The following NIN variants were observed in gnomAD, a reference collection of about 807,000 sequenced individuals.
NIN encodes the protein glycogen synthase kinase 3 beta-interacting protein.
NIN carries 137 observed loss-of-function variants against 257.6 expected under a neutral mutation model. That is an observed-to-expected ratio of 0.53 (90% confidence interval 0.46 to 0.61). NIN has a LOEUF of 0.61. NIN is among the 20% of genes least tolerant of loss of function. The pLI, the probability that NIN is intolerant of heterozygous loss-of-function variation, is 0.00. For missense variants in NIN, 2,439 were observed against 2,501.2 expected, an observed-to-expected ratio of 0.98 and a Z score of 0.53; for synonymous variants, 918 against 919.8, an observed-to-expected ratio of 1.00 and a Z score of 0.04.
chr14:50,750,124 T>TC (rs1566801698), intron 21 of NIN, among the ~76,000 whole-genome samples: 1 of 152,072 alleles, frequency 6.6e-6, no homozygotes, highest in African/African-American at 2.4e-5. Context: ...CCTTTTTTTT[T>TC]AAAACATCTT....
intron 28 of NIN, among the ~76,000 whole-genome samples, chr14:50,731,626 G>C (rs1037266377): frequency 6.6e-6 from 1 of 151,986 alleles, no homozygotes; most frequent in African/African-American, 2.4e-5. Context: ...ACGAGGTCAG[G>C]AGATCAAGAC....
chr14:50,729,458 G>T lies in NIN; in HGVS notation c.6078+65C>A, dbSNP rs1330713542. The T allele has an allele frequency of 1.2e-5, 18 of 1,464,084 alleles. No homozygotes were observed. In the East Asian group the frequency reaches 3.9e-4, roughly 32 times the overall value. 90.7% of individuals were successfully genotyped at this position (1,464,084 alleles called of 1,614,324 possible). A position where few individuals can be genotyped will look rare whatever the true frequency, so the allele number is the denominator to read the frequency against. ...GTTCTTTCTCTCCACCTTTGAACTG[G>T]TATAACTTTCAAATAAACAGGTAAA... On this transcript the variant is annotated intron_variant, in intron 29 of 30. Coordinates refer to ENST00000530997, the MANE Select transcript of NIN (RefSeq NM_020921.4).
intron 4 of NIN, among the ~76,000 whole-genome samples, chr14:50,805,067 G>T (rs867795139): frequency 6.6e-6 from 1 of 152,180 alleles, no homozygotes; most frequent in Non-Finnish European, 1.5e-5. Context: ...TGAAGAAATG[G>T]CAGCAGGAGG....
chr14:50,782,518 C>A (rs10143068), intron 5 of NIN, among the ~76,000 whole-genome samples: 123,678 of 152,092 alleles, frequency 0.81, 53,662 homozygotes, highest in East Asian at 1. Flanking sequence ...TGCTATCTAT[C>A]CTATGATTAC....
intron 17 of NIN, among the ~76,000 whole-genome samples, chr14:50,759,006 C>T (rs10483610): frequency 0.28 from 42,218 of 152,114 alleles, 6,776 homozygotes; most frequent in East Asian, 0.51. Context: ...TTTAATTAAG[C>T]ATGCGTTATA....
intron 27 of NIN, 83 bp downstream of exon 27, chr14:50,738,057 A>G: frequency 7.3e-7 from 1 of 1,372,278 alleles, no homozygotes; most frequent in Non-Finnish European, 1.0e-6. Flanking sequence ...TCATTTCCTT[A>G]GAAGTACACC....
At chr14:50,827,043 C>T (rs2045487353) in intron 2 of NIN, among the ~76,000 whole-genome samples, 1 of 152,220 alleles carries the variant, frequency 6.6e-6, no homozygotes, top group African/African-American at 2.4e-5. Flanking sequence ...ATGCCTTTAG[C>T]TTTCACCATT....
intron 3 of NIN, among the ~76,000 whole-genome samples, chr14:50,808,754 C>T (rs190264938): frequency 6.6e-6 from 1 of 152,254 alleles, no homozygotes; most frequent in East Asian, 1.9e-4. Context: ...AAGAGCACTG[C>T]ATGTATTTTA....
intron 11 of NIN, 25 bp from the exon 12 acceptor site, chr14:50,770,587 C>T: frequency 6.2e-7 from 1 of 1,610,906 alleles, no homozygotes; most frequent in Non-Finnish European, 8.5e-7. Flanking sequence ...AATGGACAAG[C>T]TGCCATCACG....
At chr14:50,748,481 G>A (rs926531359) in intron 21 of NIN, among the ~76,000 whole-genome samples, 1 of 152,192 alleles carries the variant, frequency 6.6e-6, no homozygotes, top group Admixed American at 6.5e-5. Context: ...GGGCAGTCAG[G>A]CAGGAGAAGG....
At position 50,756,953 on chromosome 14, in the gene NIN, A is replaced by C. The variant is rs1555380170; in HGVS notation, c.4077T>G (p.Pro1359=). 10 of 1,600,212 alleles carry C rather than the reference A, an allele frequency of 6.2e-6. No individual in the cohort carries two copies. In the South Asian group the frequency reaches 1.1e-4, roughly 18 times the overall value. The change falls in exon 18 of 31, where the codon CCT becomes CCG. Residue 1359 remains proline, a synonymous_variant. Transcript: ENST00000530997. ...EASLENLEIE[P]DGNILQLNQT... ...GATTGAGCTGGAGTATATTTCCATCAGGTTCGATTTCCAGGTTCTCTAAAC... is the reference window on the plus strand; with the variant it reads ...GATTGAGCTGGAGTATATTTCCATCCGGTTCGATTTCCAGGTTCTCTAAAC...
chr14:50,765,063 T>TAA (rs781699626), intron 14 of NIN, among the ~76,000 whole-genome samples: 48 of 82,074 alleles, frequency 5.8e-4, no homozygotes, highest in East Asian at 3.0e-3. Context: ...TGTCTCTACT[T>TAA]AAAAAAAAAA....
In NIN at chr14:50,757,419, T is replaced by C. The variant is rs201242002; in HGVS notation, c.3611A>G (p.Gln1204Arg). The C allele has an allele frequency of 1.7e-4, 282 of 1,614,102 alleles. 2 individuals are homozygous for C. The highest frequency in any genetic ancestry group is 3.1e-5 in the Non-Finnish European group (37 of 1,180,044). The change falls in exon 18 of 31, where the codon CAG becomes CGG. Residue 1204 changes from glutamine (Q) to arginine (R), a missense_variant. Physicochemically the swap from Gln to Arg is conservative, Grantham distance 43. Coordinates refer to ENST00000530997, the MANE Select transcript of NIN (RefSeq NM_020921.4). Reference protein sequence around the residue: ...WELKNQISQLQEQLMMLCADC... With the variant: ...WELKNQISQLREQLMMLCADC... Reference sequence around the variant, plus strand: ...CGCACATAACATCATTAGCTGTTCCTGAAGCTGACTAATCTGATTCTTCAG... The same window carrying C: ...CGCACATAACATCATTAGCTGTTCCCGAAGCTGACTAATCTGATTCTTCAG...
rs1262833969 is a variant in NIN at position 50,722,603 on chromosome 14, A to T, written c.*860T>A. 2.8e-5 allele frequency: 6 copies of T among 212,734 alleles called. No individual in the cohort carries two copies. The highest frequency in any genetic ancestry group is 4.8e-5 in the Non-Finnish European group (5 of 104,786). 13.2% of individuals were successfully genotyped at this position (212,734 alleles called of 1,614,324 possible). A position where few individuals can be genotyped will look rare whatever the true frequency, so the allele number is the denominator to read the frequency against. On this transcript the variant is annotated 3_prime_UTR_variant, in exon 31 of 31. Transcript: ENST00000530997. Reference sequence around the variant, plus strand: ...ACCTCAAGTAAATTTATGAACTCTAAGATTTGAGAGACAGAAAACCTACAT... The same window carrying T: ...ACCTCAAGTAAATTTATGAACTCTATGATTTGAGAGACAGAAAACCTACAT...
intron 4 of NIN, among the ~76,000 whole-genome samples, chr14:50,794,780 A>G (rs1459150256): frequency 6.7e-6 from 1 of 148,866 alleles, no homozygotes; most frequent in Non-Finnish European, 1.5e-5. Flanking sequence ...AAAAAAAAAA[A>G]GCAGTGGGAG....
At chr14:50,830,733 C>CG (rs975071436) in intron 1 of NIN, 1 of 154,264 alleles carries the variant, frequency 6.5e-6, no homozygotes. Flanking sequence ...CCGGCCCGCC[C>CG]CCGCCCGCGC....
chr14:50,764,805 TA>T (rs905577756), intron 14 of NIN, among the ~76,000 whole-genome samples: 33 of 152,056 alleles, frequency 2.2e-4, no homozygotes, highest in African/African-American at 8.0e-4. Flanking sequence ...TGCCTAGAGC[TA>T]GGGGGCTTGG....
Position 50,739,389 on chromosome 14 carries a change from C to A in NIN, c.5547G>T (p.Gln1849His). 1 of 1,614,220 alleles carries A rather than the reference C, an allele frequency of 6.2e-7. No individual in the cohort carries two copies. Among genetic ancestry groups the A allele is most frequent in the Non-Finnish European group, 8.5e-7 (1 of 1,180,030 alleles). Reference sequence around the variant, plus strand: ...TCTCATTCTCTTGCCAAAGCAGCTGCTGTTCCTCATTCATCAGATGATCCA... The same window carrying A: ...TCTCATTCTCTTGCCAAAGCAGCTGATGTTCCTCATTCATCAGATGATCCA... ...DKLDHLMNEEQQLLWQENERL... is the reference protein window; with the variant it reads ...DKLDHLMNEEHQLLWQENERL... The change falls in exon 26 of 31, where the codon CAG becomes CAT. Residue 1849 changes from glutamine to histidine, a missense_variant. By Grantham distance (24) the Gln-to-His change is conservative. Around this residue, in one of 3 missense-constraint regions of NIN, gnomAD observed 2,043 missense variants for 2,050.2 expected, o/e 1.00. Coordinates refer to ENST00000530997, the MANE Select transcript of NIN (RefSeq NM_020921.4).
chr14:50,747,947 G>C, intron 22 of NIN, 45 bp downstream of exon 22: 1 of 1,261,812 alleles, frequency 7.9e-7, no homozygotes, highest in Non-Finnish European at 1.2e-6. Context: ...AGCCCACCAG[G>C]TACATATTGT....
Sources: allele counts gnomAD v4.1 joint callset (sites outside exome capture counted in the v4.1 genomes callset), GRCh38; gene constraint gnomAD v4.1.1; regional missense constraint gnomAD v4.1.1; transcripts MANE v1.5; gene names NCBI Gene and HGNC (gene_info 2026-07-23, HGNC 2026-07-21).